SELENOO: variants seen among roughly 807,000 people sequenced by gnomAD.
SELENOO encodes selenoprotein O.
A neutral mutation model predicts 58.7 loss-of-function variants in SELENOO; 74 were observed. The ratio of observed to expected loss-of-function variants is 1.26; its 90% CI spans 1.04 to 1.53. The LOEUF (loss-of-function observed/expected upper bound fraction) is 1.53. Ranked by LOEUF, SELENOO falls within the 40% of genes most tolerant of loss-of-function variation. The probability of loss-of-function intolerance (pLI) is 0.00; values close to 1 mark genes in which losing one functional copy is unlikely to be tolerated. For missense variants in SELENOO, 1,149 were observed against 970.0 expected (o/e 1.18, Z -2.45); for synonymous variants, 543 against 453.2 (o/e 1.20, Z -2.52).
chr22:50,216,580 C>T (rs1257697629), intron 6 of SELENOO, 111 bp from the exon 7 acceptor site: 1 of 1,047,928 alleles, frequency 9.5e-7, no homozygotes, highest in Non-Finnish European at 1.4e-6. Flanking sequence ...GCTGCTTGGG[C>T]CCTTGGACTC....
chr22:50,210,568 G>A lies in SELENOO; in HGVS notation c.1071-63G>A. On this transcript the variant is annotated intron_variant, in intron 4 of 8. Coordinates refer to ENST00000380903, the MANE Select transcript of SELENOO (RefSeq NM_031454.2). ...TCCCCTGGGCCTCCCCTCCAGGGTG[G>A]CTGCACCATCTCCCGGGAACTTCCT... 2.5e-6 allele frequency: 4 copies of A among 1,606,760 alleles called. No homozygotes were observed. The Middle Eastern group carries it at 5.0e-4, about 201-fold the overall frequency.
chr22:50,213,883 C>T (rs149692345), intron 5 of SELENOO, among the ~76,000 whole-genome samples: 10 of 152,010 alleles, frequency 6.6e-5, no homozygotes, highest in African/African-American at 1.9e-4. Flanking sequence ...CGCCTGACCT[C>T]GTGATCCACC....
intron 2 of SELENOO, 83 bp from the exon 3 acceptor site, chr22:50,208,453 C>T (rs774050670): frequency 7.6e-7 from 1 of 1,319,612 alleles, no homozygotes; most frequent in Non-Finnish European, 1.0e-6. Flanking sequence ...AAAATAGCCA[C>T]AACAACGTCT....
rs77054338 is a variant in SELENOO, at chr22:50,208,569, T to C, written c.792T>C (p.Asp264=). 1.5e-4 allele frequency: 236 copies of C among 1,613,888 alleles called. No individual in the cohort carries two copies. The African/African-American group carries it at 2.7e-3, about 18-fold the overall frequency. ...FGSFEIFKSA[D]EHTGRAGPSV... is the part of the protein sequence containing the mutation. ...CCTTTGAGATTTTTAAGTCTGCAGA[T>C]GAGCACACAGGGCGTGCAGGCCCCA... The change falls in exon 3 of 9, where the codon GAT becomes GAC. Residue 264 remains aspartate (D), a synonymous_variant. Transcript: ENST00000380903.
At chr22:50,213,831 G>A (rs1429842333) in intron 5 of SELENOO, among the ~76,000 whole-genome samples, 3 of 151,524 alleles carry the variant, frequency 2.0e-5, no homozygotes, top group Admixed American at 2.0e-4. Context: ...TGTATTTTTA[G>A]TAGAGACGGG....
At position 50,216,893 on chromosome 22, in the gene SELENOO, T is replaced by C. The variant is rs2064418438; in HGVS notation, c.1688+17T>C. ...GGCGTACAGGTGAGCCCTGCGTCCA[T>C]GGTCACCGGGGGACGGCGGGTCGCG... On this transcript the variant is annotated intron_variant, in intron 7 of 8. Transcript: ENST00000380903. 2 of 1,604,912 alleles carry C rather than the reference T, an allele frequency of 1.2e-6. No homozygotes were observed. Among genetic ancestry groups the C allele is most frequent in the Non-Finnish European group, 1.7e-6 (2 of 1,178,042 alleles).
At position 50,210,265 on chromosome 22, in the gene SELENOO, A is replaced by C. The variant is rs757910841; in HGVS notation, c.1024A>C (p.Ile342Leu). 6.2e-7 allele frequency: 1 copy of C among 1,613,424 alleles called. No individual in the cohort carries two copies. Among genetic ancestry groups the C allele is most frequent in the African/African-American group, 1.3e-5 (1 of 75,030 alleles). Residue 342 changes from isoleucine (I) to leucine (L), a missense_variant, in exon 4 of 9, where the codon ATC (isoleucine) becomes CTC (leucine). Ile to Leu is a conservative substitution (Grantham distance 5). Coordinates refer to ENST00000380903, the MANE Select transcript of SELENOO (RefSeq NM_031454.2). ...CGTGCTCAACACCGACAACATGAGC[A>C]TCCTGGGGCTCACCATCGACTACGG... ...HGVLNTDNMS[I>L]LGLTIDYGPF...
In SELENOO at chr22:50,201,540, C is replaced by T. The variant is rs761228212; in HGVS notation, c.504C>T (p.Gly168=). 1 of 1,395,134 alleles carries T rather than the reference C, an allele frequency of 7.2e-7. No homozygotes were observed. The highest frequency in any genetic ancestry group is 3.2e-5 in the East Asian group (1 of 31,738). 86.4% of individuals were successfully genotyped at this position (1,395,134 alleles called of 1,614,324 possible). A position where few individuals can be genotyped will look rare whatever the true frequency, so the allele number is the denominator to read the frequency against. Residue 168 remains glycine (G), a synonymous_variant, in exon 1 of 9, where the codon GGC becomes GGT. Transcript: ENST00000380903. The part of the protein sequence containing the change: ...MYLGEVCTAT[G]ERWELQLKGA... ...TGGGCGAGGTGTGCACGGCGACCGG[C>T]GAGCGCTGGGAGCTGCAGCTCAAGG... is the stretch of plus-strand genomic sequence containing the variant.
At chr22:50,211,221 G>A (rs1473557250) in intron 5 of SELENOO, among the ~76,000 whole-genome samples, 1 of 152,204 alleles carries the variant, frequency 6.6e-6, no homozygotes, top group East Asian at 1.9e-4. Flanking sequence ...GTGTGGACAG[G>A]CCGCAGTTTG....
intron 1 of SELENOO, 91 bp from the exon 2 acceptor site, chr22:50,206,226 C>T (rs1325554927): frequency 5.3e-6 from 6 of 1,138,514 alleles, no homozygotes; most frequent in African/African-American, 1.5e-5. Context: ...TCACGTTACA[C>T]GCGTTCCCTC....
chr22:50,217,409 C>T lies in SELENOO; in HGVS notation c.*40C>T, dbSNP rs754409129. The T allele has an allele frequency of 6.2e-7, 1 of 1,601,030 alleles. No homozygotes were observed. The highest frequency in any genetic ancestry group is 1.1e-5 in the South Asian group (1 of 89,752). On this transcript the variant is annotated 3_prime_UTR_variant, in exon 9 of 9. Coordinates refer to ENST00000380903, the MANE Select transcript of SELENOO (RefSeq NM_031454.2). Reference sequence around the variant, plus strand: ...TCCACACCCCTGGAGTCTCCCGAGGCCCCCATGTGCTGCTGAGTGGCCAAG... The same window carrying T: ...TCCACACCCCTGGAGTCTCCCGAGGTCCCCATGTGCTGCTGAGTGGCCAAG...
intron 1 of SELENOO, among the ~76,000 whole-genome samples, chr22:50,202,340 G>A (rs2064308177): frequency 6.6e-6 from 1 of 151,812 alleles, no homozygotes; most frequent in African/African-American, 2.4e-5. Context: ...TCCCTTCCCC[G>A]GGGCTCCATC....
Position 50,217,524 on chromosome 22 carries a change from C to T in SELENOO, c.*155C>T, listed in dbSNP as rs563380111. Reference sequence around the variant, plus strand: ...TGATGGCAGAGACATCCAGTCAGGACCTGACCCGTCTCTGTCTGAGGCCGG... The same window carrying T: ...TGATGGCAGAGACATCCAGTCAGGATCTGACCCGTCTCTGTCTGAGGCCGG... On this transcript the variant is annotated 3_prime_UTR_variant, in exon 9 of 9. Coordinates refer to ENST00000380903, the MANE Select transcript of SELENOO (RefSeq NM_031454.2). The T allele has an allele frequency of 2.2e-4, 242 of 1,077,740 alleles. 2 individuals are homozygous for T. The South Asian group carries it at 3.7e-3, about 16-fold the overall frequency. The allele number at this position is 1,077,740 out of a possible 1,614,324, so 66.8% of individuals were successfully genotyped here.
intron 5 of SELENOO, among the ~76,000 whole-genome samples, chr22:50,215,262 G>A (rs568789862): frequency 6.6e-6 from 1 of 152,280 alleles, no homozygotes; most frequent in African/African-American, 2.4e-5. Context: ...TGAGGGCCGG[G>A]CAGCAGCCTC....
At position 50,201,471 on chromosome 22, in the gene SELENOO, C is replaced by G; in HGVS notation, c.435C>G (p.Phe145Leu). The change falls in exon 1 of 9, where the codon TTC (phenylalanine) becomes TTG (leucine). Residue 145 changes from phenylalanine to leucine, a missense_variant. Coordinates refer to ENST00000380903, the MANE Select transcript of SELENOO (RefSeq NM_031454.2). The stretch of plus-strand genomic sequence containing the variant: ...CGCACTGCTACTGCGGCCACCAATT[C>G]GGCCAGTTCGCCGGGCAGCTGGGCG... The part of the protein sequence containing the change: ...PAAHCYCGHQ[F>L]GQFAGQLGDG... 7.0e-7 allele frequency: 1 copy of G among 1,422,498 alleles called. No individual in the cohort carries two copies. The highest frequency in any genetic ancestry group is 9.2e-7 in the Non-Finnish European group (1 of 1,085,902). 88.1% of individuals were successfully genotyped at this position (1,422,498 alleles called of 1,614,324 possible).
In SELENOO at chr22:50,210,321, C is replaced by T. The variant is rs762553398; in HGVS notation, c.1070+10C>T. On this transcript the variant is annotated intron_variant, in intron 4 of 8. Transcript: ENST00000380903. ...TTGGCTTCCTGGACAGGTAAGTGGC[C>T]CTGGGGCCCAGCAAAGTGCAGGCCC... 1 of 1,612,458 alleles carries T rather than the reference C, an allele frequency of 6.2e-7. No homozygotes were observed. The highest frequency in any genetic ancestry group is 8.5e-7 in the Non-Finnish European group (1 of 1,179,724).
chr22:50,207,922 G>T (rs2064343083), intron 2 of SELENOO, among the ~76,000 whole-genome samples: 1 of 147,956 alleles, frequency 6.8e-6, no homozygotes. Context: ...CTCCTCGTGG[G>T]GTTGGGGTGG....
chr22:50,206,991 G>A (rs1384025417), intron 2 of SELENOO, among the ~76,000 whole-genome samples: 2 of 152,190 alleles, frequency 1.3e-5, no homozygotes, highest in South Asian at 2.1e-4. Flanking sequence ...CTGAGGAAAT[G>A]GCCACTGAAG....
intron 8 of SELENOO, 22 bp from the exon 9 acceptor site, chr22:50,217,183 T>G (rs373541356): frequency 2.5e-6 from 4 of 1,611,576 alleles, no homozygotes; most frequent in Non-Finnish European, 3.4e-6. Context: ...CCCAGACCCC[T>G]CTCACCCTCC....
Sources: allele counts gnomAD v4.1 joint callset (sites outside exome capture counted in the v4.1 genomes callset), GRCh38; gene constraint gnomAD v4.1.1; transcripts MANE v1.5; gene names NCBI Gene and HGNC (gene_info 2026-07-23, HGNC 2026-07-21).